Variants in RANBP2 observed in about 807,000 individuals in gnomAD.
RANBP2 encodes the protein E3 SUMO-protein ligase RanBP2.
A neutral mutation model predicts 303.6 loss-of-function variants in RANBP2; 57 were observed. That is an observed-to-expected ratio of 0.19 (90% CI 0.15 to 0.23). RANBP2 has a LOEUF of 0.23. Among genes scored for constraint, RANBP2 ranks in the 10% least tolerant of loss-of-function variants. The pLI is 1.00. For synonymous variants in RANBP2, 1,167 were observed against 1,301.5 expected (o/e 0.90, Z 2.23); for missense variants, 3,138 against 3,780.8 (o/e 0.83, Z 4.46).
the RANBP2 span, chr2:109,129,870 C>T: frequency 6.6e-7 from 1 of 1,524,572 alleles, no homozygotes; most frequent in Non-Finnish European, 8.8e-7. Flanking sequence ...AACTGCCCGC[C>T]AACATCTTGC....
At chr2:109,276,488 A>G in the RANBP2 span, among the ~76,000 whole-genome samples, 9 of 152,198 alleles carry the variant, frequency 5.9e-5, no homozygotes, top group Admixed American at 6.5e-5. Flanking sequence ...GTGTCGCTGC[A>G]TGGAAGGCCT....
chr2:108,771,861 AGAG>A lies in RANBP2; in HGVS notation c.8016_8018del (p.Glu2672del). 1 of 1,614,022 alleles carries A rather than the reference AGAG, an allele frequency of 6.2e-7. No homozygotes were observed. Among genetic ancestry groups the A allele is most frequent in the Admixed American group, 1.7e-5 (1 of 60,024 alleles). On this transcript the variant is annotated inframe_deletion, in exon 21 of 29. Transcript: ENST00000283195. ...ATAGACCAGATTATGTTAGTGAAGA[AGAG>A]GAGGATGGTAAAACTTTTGTTATTT...
the RANBP2 span, among the ~76,000 whole-genome samples, chr2:108,870,031 A>G: frequency 1.3e-5 from 2 of 152,244 alleles, no homozygotes; most frequent in African/African-American, 4.8e-5. Context: ...CAATGAGCTA[A>G]TGAGAAATAA....
chr2:108,728,725 A>T (rs916838802), intron 1 of RANBP2, among the ~76,000 whole-genome samples: 7 of 151,720 alleles, frequency 4.6e-5, no homozygotes, highest in African/African-American at 1.7e-4. Flanking sequence ...GCTCACTGCA[A>T]CCTCCACCTC....
chr2:108,741,495 CTTTTTTTT>C (rs34872068), intron 7 of RANBP2, among the ~76,000 whole-genome samples: 1 of 61,798 alleles, frequency 1.6e-5, no homozygotes, highest in African/African-American at 6.8e-5. Flanking sequence ...TGCGCCTGGC[CTTTTTTTT>C]TTTTTTTTTT....
the RANBP2 span, chr2:109,543,387 T>C: frequency 6.6e-6 from 1 of 152,180 alleles, no homozygotes; most frequent in Non-Finnish European, 1.5e-5. Context: ...TAAAGATATT[T>C]TGTTTCACCA....
the RANBP2 span, among the ~76,000 whole-genome samples, chr2:109,257,136 A>G: frequency 6.6e-6 from 1 of 152,212 alleles, no homozygotes. Context: ...TCCACTCTGC[A>G]GCCGACATTC....
At chr2:108,793,484 C>A in the RANBP2 span, among the ~76,000 whole-genome samples, 3 of 152,218 alleles carry the variant, frequency 2.0e-5, no homozygotes, top group African/African-American at 7.2e-5. Context: ...TAAATTGATA[C>A]AGCCACTTTG....
chr2:109,170,244 TTTCTCTTCTCTTCTCTTCTC>T, the RANBP2 span, among the ~76,000 whole-genome samples: 920 of 32,890 alleles, frequency 0.028, 14 homozygotes, highest in African/African-American at 0.055. Context: ...CTTCTTTTCT[TTTCTCTTCTCTTCTCTTCTC>T]TTCTCTTCTC....
At chr2:109,016,497 C>T in the RANBP2 span, among the ~76,000 whole-genome samples, 8 of 152,186 alleles carry the variant, frequency 5.3e-5, no homozygotes, top group African/African-American at 1.9e-4. Context: ...GAGGTTTGAC[C>T]ATGTGACTTG....
chr2:109,143,810 A>ACT, the RANBP2 span, among the ~76,000 whole-genome samples: 1 of 21,078 alleles, frequency 4.7e-5, no homozygotes, highest in Non-Finnish European at 4.7e-4. Flanking sequence ...TGTGCTGTAT[A>ACT]CACACACACA....
At chr2:109,491,487 G>GTTC in the RANBP2 span, among the ~76,000 whole-genome samples, 6 of 152,134 alleles carry the variant, frequency 3.9e-5, no homozygotes, top group Non-Finnish European at 8.8e-5. Context: ...CATTCATTTC[G>GTTC]ATGCTTACTA....
the RANBP2 span, among the ~76,000 whole-genome samples, chr2:109,283,832 A>G: frequency 4.6e-5 from 7 of 152,192 alleles, no homozygotes; most frequent in Non-Finnish European, 4.4e-5. Context: ...AGGATTTGCC[A>G]GTCTTGCTGC....
the RANBP2 span, among the ~76,000 whole-genome samples, chr2:108,932,528 C>CAAAAAAAAAAAAAA: frequency 2.8e-4 from 11 of 39,156 alleles, no homozygotes; most frequent in African/African-American, 6.0e-4. Flanking sequence ...GACTCTGTCT[C>CAAAAAAAAAAAAAA]AAAAAAAAAA....
the RANBP2 span, chr2:109,614,915 C>G: frequency 1.4e-6 from 2 of 1,469,326 alleles, no homozygotes; most frequent in Admixed American, 2.4e-5. Flanking sequence ...CCCCCGCCCC[C>G]GCGCACTGGC....
the RANBP2 span, among the ~76,000 whole-genome samples, chr2:109,130,816 C>G: frequency 2.6e-5 from 4 of 152,114 alleles, no homozygotes; most frequent in African/African-American, 9.7e-5. Context: ...TTCGCTGCTT[C>G]TGTTTTAGAC....
At chr2:108,930,171 C>T in the RANBP2 span, 23 of 1,613,904 alleles carry the variant, frequency 1.4e-5, no homozygotes, top group East Asian at 4.5e-5. Flanking sequence ...GGCACAGCCC[C>T]GTAGTCTGGT....
intron 1 of RANBP2, among the ~76,000 whole-genome samples, chr2:108,720,963 C>T (rs1419138857): frequency 6.6e-6 from 1 of 152,152 alleles, no homozygotes; most frequent in South Asian, 2.1e-4. Context: ...GCAGGAGAGT[C>T]GCTTGAACCC....
At chr2:109,031,231 G>A in the RANBP2 span, among the ~76,000 whole-genome samples, 1 of 152,150 alleles carries the variant, frequency 6.6e-6, no homozygotes. Flanking sequence ...CCATCAAGGT[G>A]TCAGCAGTGA....
Sources: gnomAD v4.1 joint callset for allele counts (sites outside exome capture counted in the v4.1 genomes callset) on GRCh38, gnomAD v4.1.1 for gene constraint, MANE v1.5 for transcripts, NCBI Gene and HGNC (gene_info 2026-07-23, HGNC 2026-07-21) for gene names.